Variants in ZCCHC7 observed in about 807,000 individuals in gnomAD.
ZCCHC7 encodes zinc finger CCHC domain-containing protein 7.
Under a neutral mutation model 52.0 loss-of-function variants are expected in ZCCHC7, and 35 were observed. The ratio of observed to expected loss-of-function variants is 0.67; its 90% CI spans 0.51 to 0.89. The LOEUF (loss-of-function observed/expected upper bound fraction) is 0.89, where lower values mean the gene tolerates loss of function less well. Ranked by LOEUF, ZCCHC7 falls within the 40% of genes least tolerant of loss-of-function variation. The pLI is 0.00. For missense variants in ZCCHC7, 574 were observed against 649.1 expected (o/e 0.88, Z 1.26); for synonymous variants, 217 against 221.5 (o/e 0.98, Z 0.18).
intron 5 of ZCCHC7, among the ~76,000 whole-genome samples, chr9:37,323,494 G>A (rs1012617467): frequency 6.6e-6 from 1 of 152,138 alleles, no homozygotes. Context: ...GCAGCTTAGA[G>A]TTAAAGACCA....
Position 37,357,080 on chromosome 9 carries a change from TCTC to T in ZCCHC7, c.1447_1449del (p.Pro483del), listed in dbSNP as rs1401521156. The T allele has an allele frequency of 5.6e-6, 9 of 1,613,650 alleles. No homozygotes were observed. Among genetic ancestry groups the T allele is most frequent in the South Asian group, 1.1e-5 (1 of 91,060 alleles). The stretch of plus-strand genomic sequence containing the variant: ...TCCCAGGGGCCCCAAAACCTACTCT[TCTC>T]CTGGCAGTTTTAAAACCCAGAAGCC... On this transcript the variant is annotated inframe_deletion, in exon 9 of 9. Transcript: ENST00000336755.
intron 2 of ZCCHC7, among the ~76,000 whole-genome samples, chr9:37,176,803 G>A (rs1822058498): frequency 6.6e-6 from 1 of 152,200 alleles, no homozygotes; most frequent in African/African-American, 2.4e-5. Flanking sequence ...TAAATTAGGG[G>A]AATAACTGAA....
At chr9:37,128,265 T>C (rs1842625662) in intron 2 of ZCCHC7, among the ~76,000 whole-genome samples, 2 of 152,140 alleles carry the variant, frequency 1.3e-5, no homozygotes, top group African/African-American at 4.8e-5. Flanking sequence ...CAAATATTTG[T>C]AGAGGTAGAG....
intron 2 of ZCCHC7, among the ~76,000 whole-genome samples, chr9:37,248,803 T>C (rs976021944): frequency 2.6e-5 from 4 of 152,240 alleles, no homozygotes; most frequent in Non-Finnish European, 5.9e-5. Context: ...CATCTATCTG[T>C]AGCTGGAATG....
At chr9:37,285,697 C>T (rs1175478767) in intron 2 of ZCCHC7, among the ~76,000 whole-genome samples, 2 of 152,158 alleles carry the variant, frequency 1.3e-5, no homozygotes, top group African/African-American at 2.4e-5. Flanking sequence ...ACCAGTGACT[C>T]AGACAGATGA....
chr9:37,313,393 TG>T (rs1829678193), intron 5 of ZCCHC7, among the ~76,000 whole-genome samples: 1 of 152,254 alleles, frequency 6.6e-6, no homozygotes, highest in African/African-American at 2.4e-5. Flanking sequence ...ACATGTTCAT[TG>T]TTCAGGGAGT....
In ZCCHC7 at chr9:37,201,512, A is replaced by G. The variant is rs915649361; in HGVS notation, c.610+74570A>G. Among the ~76,000 whole-genome samples, 2 of 152,210 alleles carry G rather than the reference A, an allele frequency of 1.3e-5. 1 individual carries two copies. The highest frequency in any genetic ancestry group is 4.1e-4 in the South Asian group (2 of 4,834). On this transcript the variant is annotated intron_variant, in intron 2 of 8. Coordinates refer to ENST00000336755, the MANE Select transcript of ZCCHC7 (RefSeq NM_032226.3). ...TTATTGAGGAGGAAAGTAATAATAT[A>G]TTTTAAAGGTTTTCTATGCTATTTT...
intron 2 of ZCCHC7, among the ~76,000 whole-genome samples, chr9:37,277,381 C>T (rs1341733088): frequency 1.3e-5 from 2 of 152,084 alleles, no homozygotes; most frequent in Non-Finnish European, 2.9e-5. Flanking sequence ...ATGGCTCATG[C>T]GTATTATCCC....
chr9:37,336,945 A>C (rs543472780), intron 6 of ZCCHC7, among the ~76,000 whole-genome samples: 2 of 152,228 alleles, frequency 1.3e-5, no homozygotes, highest in South Asian at 2.1e-4. Context: ...AAACAGTGGT[A>C]AGATACCCTG....
intron 6 of ZCCHC7, among the ~76,000 whole-genome samples, chr9:37,336,537 T>C (rs1488553593): frequency 4.6e-5 from 7 of 152,086 alleles, no homozygotes; most frequent in Admixed American, 3.9e-4. Flanking sequence ...TGTGGAGTTA[T>C]GGTAAAAATG....
intron 6 of ZCCHC7, among the ~76,000 whole-genome samples, chr9:37,348,322 T>C (rs534427448): frequency 6.9e-6 from 1 of 145,714 alleles, no homozygotes; most frequent in South Asian, 2.2e-4. Context: ...CCCACGTCTT[T>C]TCAATGACCA....
At chr9:37,175,713 CCTGGA>C (rs1199033143) in intron 2 of ZCCHC7, among the ~76,000 whole-genome samples, 1 of 152,102 alleles carries the variant, frequency 6.6e-6, no homozygotes, top group African/African-American at 2.4e-5. Context: ...TGTACTCCAG[CCTGGA>C]CAACAGAGTG....
chr9:37,155,234 G>A (rs936476759), intron 2 of ZCCHC7, among the ~76,000 whole-genome samples: 15 of 152,054 alleles, frequency 9.9e-5, no homozygotes, highest in African/African-American at 2.7e-4. Flanking sequence ...GGTGGTGGGC[G>A]CACGTAGTCC....
rs1465154112 is a variant in ZCCHC7 at position 37,302,046 on chromosome 9, C to T, written c.611-142C>T. ...AGGGCCACATAATTAATAACAGAGC[C>T]AAAATAGGAATTTCAGGTATTCAAC... On this transcript the variant is annotated intron_variant, in intron 2 of 8. Transcript: ENST00000336755. 4.2e-5 allele frequency: 28 copies of T among 673,346 alleles called. No individual in the cohort carries two copies. The Admixed American group carries it at 7.8e-4, about 19-fold the overall frequency. The allele number at this position is 673,346 out of a possible 1,614,324, so 41.7% of individuals were successfully genotyped here. A position where few individuals can be genotyped will look rare whatever the true frequency, so the allele number is the denominator to read the frequency against.
chr9:37,306,209 A>T (rs1829296532), intron 5 of ZCCHC7, among the ~76,000 whole-genome samples: 1 of 151,810 alleles, frequency 6.6e-6, no homozygotes, highest in Non-Finnish European at 1.5e-5. Context: ...CTGGGGCTAC[A>T]GGAGCATGCC....
At chr9:37,250,751 A>T (rs893455679) in intron 2 of ZCCHC7, among the ~76,000 whole-genome samples, 1 of 152,162 alleles carries the variant, frequency 6.6e-6, no homozygotes, top group African/African-American at 2.4e-5. Flanking sequence ...TAATGTTTCA[A>T]GGTATATTAT....
At chr9:37,143,759 G>A (rs779489010) in intron 2 of ZCCHC7, among the ~76,000 whole-genome samples, 10 of 151,462 alleles carry the variant, frequency 6.6e-5, no homozygotes, top group Admixed American at 1.3e-4. Context: ...CTAAATTTAA[G>A]CCCTTACAAA....
At chr9:37,207,442 A>C (rs1026020630) in intron 2 of ZCCHC7, among the ~76,000 whole-genome samples, 1 of 133,112 alleles carries the variant, frequency 7.5e-6, no homozygotes, top group African/African-American at 2.8e-5. Context: ...CTGGTTGTAC[A>C]TTTTTTGTAT....
At chr9:37,263,193 G>A (rs1249163323) in intron 2 of ZCCHC7, among the ~76,000 whole-genome samples, 2 of 151,430 alleles carry the variant, frequency 1.3e-5, no homozygotes, top group Non-Finnish European at 2.9e-5. Context: ...CTAGACTTGG[G>A]GACCTATGGG....
Sources: gnomAD v4.1 joint callset for allele counts (sites outside exome capture counted in the v4.1 genomes callset) on GRCh38, gnomAD v4.1.1 for gene constraint, MANE v1.5 for transcripts, NCBI Gene and HGNC (gene_info 2026-07-23, HGNC 2026-07-21) for gene names.